ASCC3: variants seen among roughly 807,000 people sequenced by gnomAD.
ASCC3 encodes ASC-1 complex subunit P200.
Under a neutral mutation model 256.3 loss-of-function variants are expected in ASCC3, and 158 were observed. The ratio of observed to expected loss-of-function variants is 0.62; its 90% CI spans 0.54 to 0.70. ASCC3 has a LOEUF of 0.70. ASCC3 is among the 30% of genes least tolerant of loss of function. ASCC3 has a pLI of 0.00. For synonymous variants in ASCC3, 948 were observed against 883.4 expected (o/e 1.07, Z -1.30); for missense variants, 2,259 against 2,626.0 (o/e 0.86, Z 3.05).
intron 13 of ASCC3, among the ~76,000 whole-genome samples, chr6:100,698,622 C>A (rs1012484704): frequency 6.6e-6 from 1 of 151,978 alleles, no homozygotes. Flanking sequence ...TAATTTAATA[C>A]TTCTAATAGA....
At chr6:100,737,287 G>C (rs1221085706) in intron 10 of ASCC3, among the ~76,000 whole-genome samples, 2 of 151,394 alleles carry the variant, frequency 1.3e-5, no homozygotes, top group Non-Finnish European at 2.9e-5. Context: ...TATTACATAA[G>C]AAAACGTGTG....
At chr6:100,804,148 TTGTGCTTAGACA>T (rs1770053603) in intron 5 of ASCC3, among the ~76,000 whole-genome samples, 1 of 152,118 alleles carries the variant, frequency 6.6e-6, no homozygotes, top group Admixed American at 6.6e-5. Flanking sequence ...GATAATTGTA[TTGTGCTTAGACA>T]TGTGCTAAAG....
At chr6:100,692,621 A>G (rs1777893092) in intron 13 of ASCC3, among the ~76,000 whole-genome samples, 1 of 151,864 alleles carries the variant, frequency 6.6e-6, no homozygotes, top group Non-Finnish European at 1.5e-5. Flanking sequence ...TTCCAATTGG[A>G]ATTTATAAAC....
At chr6:100,829,529 G>C (rs573117698) in intron 4 of ASCC3, among the ~76,000 whole-genome samples, 28 of 152,118 alleles carry the variant, frequency 1.8e-4, no homozygotes, top group African/African-American at 6.7e-4. Context: ...GCACTGGCCC[G>C]CAAGCACCGC....
intron 4 of ASCC3, among the ~76,000 whole-genome samples, chr6:100,827,513 A>G (rs1364127193): frequency 6.6e-6 from 1 of 152,088 alleles, no homozygotes; most frequent in Non-Finnish European, 1.5e-5. Context: ...TTGATAGCTC[A>G]TTTCTTTTTA....
At chr6:100,654,470 A>T (rs1157523140) in intron 17 of ASCC3, among the ~76,000 whole-genome samples, 1 of 152,104 alleles carries the variant, frequency 6.6e-6, no homozygotes, top group African/African-American at 2.4e-5. Context: ...CTTAGTCCGT[A>T]AAAATAAATT....
At chr6:100,811,828 G>C (rs1770484212) in intron 4 of ASCC3, among the ~76,000 whole-genome samples, 1 of 152,144 alleles carries the variant, frequency 6.6e-6, no homozygotes, top group South Asian at 2.1e-4. Context: ...ACAACAGAGA[G>C]GAGCCCATTG....
chr6:100,594,276 T>G (rs1022868805), intron 34 of ASCC3, among the ~76,000 whole-genome samples: 2 of 152,160 alleles, frequency 1.3e-5, no homozygotes, highest in East Asian at 3.8e-4. Flanking sequence ...TGAACAAGCA[T>G]GCATACATAT....
At chr6:100,878,567 C>T (rs754262314) in intron 1 of ASCC3, among the ~76,000 whole-genome samples, 4 of 152,088 alleles carry the variant, frequency 2.6e-5, no homozygotes, top group Admixed American at 1.3e-4. Context: ...CACAAGAAAA[C>T]GTGGAACAGA....
intron 13 of ASCC3, among the ~76,000 whole-genome samples, chr6:100,697,368 T>C (rs929513997): frequency 6.6e-6 from 1 of 151,554 alleles, no homozygotes; most frequent in Non-Finnish European, 1.5e-5. Context: ...AATGAAGAAA[T>C]GGATGGAAAA....
chr6:100,686,143 T>C (rs781382286), intron 13 of ASCC3, among the ~76,000 whole-genome samples: 2 of 152,218 alleles, frequency 1.3e-5, no homozygotes, highest in Admixed American at 1.3e-4. Flanking sequence ...TTGTCTTTTA[T>C]GTATACTAAA....
intron 11 of ASCC3, among the ~76,000 whole-genome samples, chr6:100,721,934 T>C (rs1779359599): frequency 1.3e-5 from 2 of 151,840 alleles, no homozygotes; most frequent in Middle Eastern, 3.2e-3. Context: ...TGGTGTTTCC[T>C]AGATTTTCTT....
intron 37 of ASCC3, among the ~76,000 whole-genome samples, chr6:100,538,989 T>G (rs1467335514): frequency 6.6e-6 from 1 of 152,150 alleles, no homozygotes; most frequent in Non-Finnish European, 1.5e-5. Flanking sequence ...CATCCCCCAG[T>G]AATGTCAGCT....
chr6:100,710,139 TTAG>T (rs1470784893), intron 13 of ASCC3, among the ~76,000 whole-genome samples: 1 of 152,206 alleles, frequency 6.6e-6, no homozygotes, highest in Non-Finnish European at 1.5e-5. Flanking sequence ...CAAAAGTTTG[TTAG>T]TAGACTCTTA....
intron 4 of ASCC3, among the ~76,000 whole-genome samples, chr6:100,814,554 T>C (rs1416939527): frequency 6.6e-6 from 1 of 152,204 alleles, no homozygotes; most frequent in Admixed American, 6.5e-5. Context: ...AGAATTCAGC[T>C]GTGAAACCAT....
chr6:100,672,607 G>A (rs1025973751), intron 14 of ASCC3, among the ~76,000 whole-genome samples: 9 of 152,092 alleles, frequency 5.9e-5, no homozygotes, highest in African/African-American at 2.2e-4. Flanking sequence ...GTTCACAAAT[G>A]TTGGAAGGCA....
intron 6 of ASCC3, 125 bp from the exon 7 acceptor site, chr6:100,799,697 C>A: frequency 2.0e-6 from 2 of 992,262 alleles, no homozygotes; most frequent in South Asian, 3.4e-5. Context: ...AATTAAACTA[C>A]ACAAAGGAAG....
At chr6:100,771,010 A>T (rs1224107768) in intron 8 of ASCC3, among the ~76,000 whole-genome samples, 1 of 152,136 alleles carries the variant, frequency 6.6e-6, no homozygotes, top group Non-Finnish European at 1.5e-5. Context: ...AATGTTAGAG[A>T]GCTAAAACTA....
chr6:100,608,745 A>T lies in ASCC3; in HGVS notation c.4786-1657T>A, dbSNP rs867545801. On this transcript the variant is annotated intron_variant, in intron 30 of 41. Coordinates refer to ENST00000369162, the MANE Select transcript of ASCC3 (RefSeq NM_006828.4). ...ATATATATACTTTATATATATATAT[A>T]TATATATATATATATATATATATAC... Among the ~76,000 whole-genome samples, 3 of 31,288 alleles carry T rather than the reference A, an allele frequency of 9.6e-5. 1 individual carries two copies. Among genetic ancestry groups the T allele is most frequent in the African/African-American group, 1.3e-4 (1 of 7,638 alleles). 20.5% of individuals were successfully genotyped at this position (31,288 alleles called of 152,430 possible).
Sources: allele counts gnomAD v4.1 joint callset (sites outside exome capture counted in the v4.1 genomes callset), GRCh38; gene constraint gnomAD v4.1.1; transcripts MANE v1.5; gene names NCBI Gene and HGNC (gene_info 2026-07-23, HGNC 2026-07-21).